CTDSPL: variants seen among roughly 807,000 people sequenced by gnomAD.
CTDSPL encodes CTD small phosphatase like.
A neutral mutation model predicts 30.5 loss-of-function variants in CTDSPL; 8 were observed. The ratio of observed to expected loss-of-function variants is 0.26; its 90% CI spans 0.15 to 0.47. The LOEUF is 0.47. Ranked by LOEUF, CTDSPL falls within the 20% of genes least tolerant of loss-of-function variation. The probability of loss-of-function intolerance (pLI) is 0.99; values close to 1 mark genes in which losing one functional copy is unlikely to be tolerated. For missense variants in CTDSPL, 248 were observed against 366.1 expected, an observed-to-expected ratio of 0.68 and a Z score of 2.63; for synonymous variants, 110 against 137.9, an observed-to-expected ratio of 0.80 and a Z score of 1.42.
intron 1 of CTDSPL, chr3:37,911,714 A>C: frequency 2.2e-6 from 1 of 456,536 alleles, no homozygotes; most frequent in Non-Finnish European, 4.4e-6. Flanking sequence ...TGGCAGAAGA[A>C]TCAGAAAGTT....
At chr3:37,891,623 A>G (rs573379683) in intron 1 of CTDSPL, among the ~76,000 whole-genome samples, 69 of 152,376 alleles carry the variant, frequency 4.5e-4, no homozygotes, top group Non-Finnish European at 8.7e-4. Context: ...TAACCTGTTA[A>G]TGGAAGCATT....
intron 1 of CTDSPL, among the ~76,000 whole-genome samples, chr3:37,917,186 G>T (rs1423204602): frequency 6.6e-6 from 1 of 152,178 alleles, no homozygotes; most frequent in African/African-American, 2.4e-5. Context: ...CCTGGGTAAG[G>T]GTGGGAGCAC....
chr3:37,903,815 C>G (rs1698480804), intron 1 of CTDSPL, among the ~76,000 whole-genome samples: 1 of 152,194 alleles, frequency 6.6e-6, no homozygotes, highest in Non-Finnish European at 1.5e-5. Context: ...AGAGAAGCTA[C>G]AATGGGTCAA....
chr3:37,883,386 G>A (rs140255584), intron 1 of CTDSPL, among the ~76,000 whole-genome samples: 30 of 152,318 alleles, frequency 2.0e-4, no homozygotes, highest in South Asian at 4.1e-4. Flanking sequence ...AGTGGTCCAC[G>A]AATAGAATTC....
intron 1 of CTDSPL, among the ~76,000 whole-genome samples, chr3:37,927,437 G>A (rs1002657595): frequency 2.6e-5 from 4 of 151,826 alleles, no homozygotes; most frequent in African/African-American, 7.3e-5. Flanking sequence ...TCCAAAATCC[G>A]AAAAAATTTG....
At chr3:37,897,870 G>A (rs1698406376) in intron 1 of CTDSPL, among the ~76,000 whole-genome samples, 1 of 152,170 alleles carries the variant, frequency 6.6e-6, no homozygotes, top group Non-Finnish European at 1.5e-5. Flanking sequence ...CATTGCCGTT[G>A]TGTGTGATAA....
intron 2 of CTDSPL, among the ~76,000 whole-genome samples, chr3:37,948,890 G>A (rs1162872010): frequency 1.4e-5 from 2 of 139,316 alleles, no homozygotes; most frequent in African/African-American, 2.7e-5. Context: ...GCGCAATCTC[G>A]GCTCACTGCA....
intron 1 of CTDSPL, among the ~76,000 whole-genome samples, chr3:37,886,785 T>G (rs900556063): frequency 1.3e-5 from 2 of 152,194 alleles, no homozygotes; most frequent in Non-Finnish European, 2.9e-5. Flanking sequence ...ATATTTAGAA[T>G]ATATCAGATT....
intron 5 of CTDSPL, among the ~76,000 whole-genome samples, chr3:37,969,691 A>C (rs938885844): frequency 1.3e-5 from 2 of 152,194 alleles, no homozygotes; most frequent in Non-Finnish European, 2.9e-5. Context: ...TGTTGCAGCC[A>C]CAGGCCCTGC....
chr3:37,959,609 G>A (rs1362467334), intron 3 of CTDSPL, among the ~76,000 whole-genome samples: 1 of 152,126 alleles, frequency 6.6e-6, no homozygotes, highest in Non-Finnish European at 1.5e-5. Context: ...CTGCCTCATT[G>A]TTTTATATTT....
intron 1 of CTDSPL, among the ~76,000 whole-genome samples, chr3:37,914,873 CTTTT>C (rs11304152): frequency 3.9e-5 from 2 of 51,284 alleles, no homozygotes; most frequent in Non-Finnish European, 7.1e-5. Context: ...TATATATGTT[CTTTT>C]TTTTTTTTTT....
intron 1 of CTDSPL, among the ~76,000 whole-genome samples, chr3:37,920,081 TAAAA>T (rs76103906): frequency 0.06 from 8,871 of 147,728 alleles, 290 homozygotes; most frequent in African/African-American, 0.087. Context: ...AGGGTGGAAA[TAAAA>T]AAAAAACAGT....
At chr3:37,885,983 T>C (rs947699697) in intron 1 of CTDSPL, among the ~76,000 whole-genome samples, 4 of 152,094 alleles carry the variant, frequency 2.6e-5, no homozygotes, top group South Asian at 2.1e-4. Context: ...TCCTGGAGCT[T>C]TTCCAGTTGA....
chr3:37,984,008 C>T lies in CTDSPL; in HGVS notation c.*3141C>T, dbSNP rs1430438791. The T allele has an allele frequency of 3.8e-6, 1 of 265,316 alleles. No individual in the cohort carries two copies. The highest frequency in any genetic ancestry group is 2.2e-5 in the African/African-American group (1 of 45,686). The allele number at this position is 265,316 out of a possible 1,614,324, so 16.4% of individuals were successfully genotyped here. A position where few individuals can be genotyped will look rare whatever the true frequency, so the allele number is the denominator to read the frequency against. ...CTGTAACCTGGCAACATTTTACAAC[C>T]CTGTATTTTTAAAGATGGCTTTCTA... On this transcript the variant is annotated 3_prime_UTR_variant, in exon 8 of 8. Transcript: ENST00000273179.
At chr3:37,940,016 C>T (rs991817371) in intron 1 of CTDSPL, among the ~76,000 whole-genome samples, 23 of 149,754 alleles carry the variant, frequency 1.5e-4, no homozygotes, top group African/African-American at 4.4e-4. Context: ...CACTTGAACC[C>T]GGGAGGCAGA....
intron 1 of CTDSPL, among the ~76,000 whole-genome samples, chr3:37,930,308 TGGA>T (rs1698838445): frequency 6.6e-6 from 1 of 152,134 alleles, no homozygotes; most frequent in African/African-American, 2.4e-5. Context: ...TCACCCAGGC[TGGA>T]GTGCAGCAGT....
intron 1 of CTDSPL, among the ~76,000 whole-genome samples, chr3:37,927,853 T>C (rs1301243655): frequency 6.6e-6 from 1 of 151,916 alleles, no homozygotes; most frequent in African/African-American, 2.4e-5. Flanking sequence ...CATTTCCCCC[T>C]CCTCCCAGCC....
intron 1 of CTDSPL, among the ~76,000 whole-genome samples, chr3:37,895,889 T>C (rs1698385402): frequency 6.6e-6 from 1 of 152,216 alleles, no homozygotes; most frequent in Non-Finnish European, 1.5e-5. Context: ...AAAAAACTAA[T>C]AGTGAACTGT....
intron 1 of CTDSPL, among the ~76,000 whole-genome samples, chr3:37,941,200 G>A (rs9818242): frequency 0.24 from 36,217 of 149,734 alleles, 7,674 homozygotes; most frequent in African/African-American, 0.51. Flanking sequence ...TGGATACACA[G>A]GGACCATGCC....
Sources: gnomAD v4.1 joint callset for allele counts (sites outside exome capture counted in the v4.1 genomes callset) on GRCh38, gnomAD v4.1.1 for gene constraint, MANE v1.5 for transcripts, NCBI Gene and HGNC (gene_info 2026-07-23, HGNC 2026-07-21) for gene names.